The following ECT2L variants were observed in gnomAD, a reference collection of about 807,000 sequenced individuals.
The protein encoded by ECT2L is epithelial cell-transforming sequence 2 oncogene-like.
Under a neutral mutation model 122.8 loss-of-function variants are expected in ECT2L, and 126 were observed. The ratio of observed to expected loss-of-function variants is 1.03; its 90% CI spans 0.89 to 1.19. ECT2L has a LOEUF of 1.19. Among genes scored for constraint, ECT2L ranks in the 50% most tolerant of loss-of-function variants. The probability of loss-of-function intolerance (pLI) is 0.00; values close to 1 mark genes in which losing one functional copy is unlikely to be tolerated. For synonymous variants in ECT2L, 385 were observed against 381.8 expected (o/e 1.01, Z -0.10); for missense variants, 1,012 against 1,064.1 (o/e 0.95, Z 0.68).
intron 14 of ECT2L, chr6:138,878,936 A>G (rs915261981): frequency 6.5e-6 from 1 of 154,918 alleles, no homozygotes; most frequent in African/African-American, 2.4e-5. Flanking sequence ...AGAGCAAACT[A>G]TACTGTAATA....
intron 4 of ECT2L, among the ~76,000 whole-genome samples, chr6:138,831,460 A>G (rs1335888343): frequency 6.6e-6 from 1 of 152,082 alleles, no homozygotes; most frequent in African/African-American, 2.4e-5. Flanking sequence ...CTTCAGCCCA[A>G]CTCACCTTCA....
At chr6:138,863,764 T>C (rs545290314) in intron 11 of ECT2L, among the ~76,000 whole-genome samples, 63 of 151,646 alleles carry the variant, frequency 4.2e-4, no homozygotes, top group East Asian at 1.4e-3. Flanking sequence ...TACAGGCATG[T>C]GCCACCACGC....
chr6:138,808,020 C>T (rs200897248), intron 1 of ECT2L, among the ~76,000 whole-genome samples: 1 of 150,818 alleles, frequency 6.6e-6, no homozygotes. Flanking sequence ...TTTTCATACA[C>T]ATTTTATAAT....
intron 20 of ECT2L, among the ~76,000 whole-genome samples, chr6:138,898,024 T>C (rs1779274164): frequency 6.6e-6 from 1 of 151,872 alleles, no homozygotes; most frequent in Admixed American, 6.6e-5. Flanking sequence ...TAAACTTCTA[T>C]GATAGGAGAA....
chr6:138,824,002 A>T (rs1327640767), intron 4 of ECT2L, among the ~76,000 whole-genome samples: 1 of 147,294 alleles, frequency 6.8e-6, no homozygotes, highest in Non-Finnish European at 1.5e-5. Context: ...AATTAAAATG[A>T]ACAATATAGG....
intron 15 of ECT2L, among the ~76,000 whole-genome samples, chr6:138,881,616 C>G (rs1430353936): frequency 6.6e-6 from 1 of 151,672 alleles, no homozygotes; most frequent in Non-Finnish European, 1.5e-5. Flanking sequence ...GAGCCCTGAG[C>G]TTGTTTTCCT....
chr6:138,798,858 T>C (rs1017639226), intron 1 of ECT2L, among the ~76,000 whole-genome samples: 3 of 152,234 alleles, frequency 2.0e-5, no homozygotes, highest in Non-Finnish European at 4.4e-5. Flanking sequence ...TAATAATCGC[T>C]GAGTCTTGGC....
intron 5 of ECT2L, among the ~76,000 whole-genome samples, chr6:138,839,204 T>A (rs1008366853): frequency 2.6e-5 from 4 of 152,226 alleles, no homozygotes; most frequent in Non-Finnish European, 5.9e-5. Flanking sequence ...TGTCTTAACA[T>A]CTGTTAAAGA....
chr6:138,865,847 G>A (rs990699288), intron 12 of ECT2L, among the ~76,000 whole-genome samples: 7 of 151,950 alleles, frequency 4.6e-5, no homozygotes, highest in East Asian at 1.9e-4. Flanking sequence ...ACTACTTTCC[G>A]CCTGACTAAA....
chr6:138,883,138 C>T (rs1486868417), intron 16 of ECT2L, among the ~76,000 whole-genome samples: 1 of 152,226 alleles, frequency 6.6e-6, no homozygotes. Flanking sequence ...ATACCCTCAG[C>T]TTACAGGAAA....
At chr6:138,854,277 T>A (rs1777543322) in intron 10 of ECT2L, 123 bp downstream of exon 10, 1 of 1,178,930 alleles carries the variant, frequency 8.5e-7, no homozygotes, top group Admixed American at 2.4e-5. Context: ...ATTTCTTTTT[T>A]CTTTGTACTT....
rs199701983 is a variant in ECT2L, at chr6:138,885,751, C to A, written c.2180C>A (p.Thr727Asn). 2 of 1,614,182 alleles carry A rather than the reference C, an allele frequency of 1.2e-6. No individual in the cohort carries two copies. Among genetic ancestry groups the A allele is most frequent in the South Asian group, 1.1e-5 (1 of 91,080 alleles). The change falls in exon 18 of 22, where the codon ACC (threonine) becomes AAC (asparagine). Residue 727 changes from threonine to asparagine, a missense_variant. Physicochemically the swap from Thr to Asn is moderately conservative, Grantham distance 65 (BLOSUM62 0). Coordinates refer to ENST00000541398, the MANE Select transcript of ECT2L (RefSeq NM_001077706.3). ...LNLLYAVRLHTPAEHVDRGDL... is the reference protein window; with the variant it reads ...LNLLYAVRLHNPAEHVDRGDL... ...CTTCTCTACGCTGTCAGGCTTCATA[C>A]CCCTGCAGAGCATGTTGACCGTGGG...
intron 9 of ECT2L, among the ~76,000 whole-genome samples, chr6:138,849,877 C>T (rs888439661): frequency 6.6e-6 from 1 of 151,900 alleles, no homozygotes; most frequent in South Asian, 2.1e-4. Flanking sequence ...TTTTGATGAC[C>T]GTTTTTTCAA....
rs750025020 is a variant in ECT2L, at chr6:138,865,006, T to C, written c.1302T>C (p.Asp434=). 5.0e-6 allele frequency: 8 copies of C among 1,612,708 alleles called. No individual in the cohort carries two copies. The African/African-American group carries it at 5.3e-5, about 11-fold the overall frequency. The change falls in exon 12 of 22, where the codon GAT becomes GAC. Residue 434 remains aspartate (D), a synonymous_variant. Transcript: ENST00000541398. ...ATGSYQHILS[D]WLGSQWGKAP... is the part of the protein sequence containing the mutation. ...AGAAAATCATGTCAGTTCTTAGTGA[T>C]TGGCTGGGATCCCAATGGGGAAAGG...
Position 138,903,543 on chromosome 6 carries a change from C to T in ECT2L, c.*916C>T, listed in dbSNP as rs2128417194. The stretch of plus-strand genomic sequence containing the variant: ...TATTGGAAGGCTAAATTCTAAGAAG[C>T]TTTAACAAATATTTTTGACATTGTT... On this transcript the variant is annotated 3_prime_UTR_variant, in exon 22 of 22. Coordinates refer to ENST00000541398, the MANE Select transcript of ECT2L (RefSeq NM_001077706.3). The T allele has an allele frequency of 6.6e-6, 1 of 152,084 alleles. No homozygotes were observed. The highest frequency in any genetic ancestry group is 1.9e-4 in the East Asian group (1 of 5,180). The allele number at this position is 152,084 out of a possible 1,614,324, so 9.4% of individuals were successfully genotyped here. A position where few individuals can be genotyped will look rare whatever the true frequency, so the allele number is the denominator to read the frequency against.
intron 3 of ECT2L, among the ~76,000 whole-genome samples, chr6:138,813,946 G>A (rs1320606284): frequency 1.3e-5 from 2 of 152,080 alleles, no homozygotes; most frequent in Non-Finnish European, 2.9e-5. Flanking sequence ...GGACCGAAAC[G>A]CAGGTTTGGG....
intron 4 of ECT2L, 95 bp downstream of exon 4, chr6:138,814,698 G>C: frequency 1.4e-6 from 1 of 715,058 alleles, no homozygotes; most frequent in Non-Finnish European, 2.2e-6. Flanking sequence ...TGTTCCTAGG[G>C]AGAAAAAAAA....
intron 11 of ECT2L, among the ~76,000 whole-genome samples, chr6:138,863,559 G>A (rs1400397734): frequency 6.6e-6 from 1 of 152,050 alleles, no homozygotes; most frequent in Non-Finnish European, 1.5e-5. Flanking sequence ...AACTGGCCTA[G>A]CAGAGCACAG....
intron 1 of ECT2L, among the ~76,000 whole-genome samples, chr6:138,810,357 C>T (rs773593070): frequency 9.2e-5 from 14 of 151,946 alleles, no homozygotes; most frequent in Non-Finnish European, 1.8e-4. Flanking sequence ...TTAGGATCTC[C>T]GAATGGAACA....
Sources: gnomAD v4.1 joint callset for allele counts (sites outside exome capture counted in the v4.1 genomes callset) on GRCh38, gnomAD v4.1.1 for gene constraint, MANE v1.5 for transcripts, NCBI Gene and HGNC (gene_info 2026-07-23, HGNC 2026-07-21) for gene names.